Variants in KLHL6 observed in about 807,000 individuals in gnomAD.
KLHL6 encodes kelch-like protein 6.
A neutral mutation model predicts 58.6 loss-of-function variants in KLHL6; 41 were observed. That is an observed-to-expected ratio of 0.70 (90% confidence interval 0.55 to 0.91). KLHL6 has a LOEUF of 0.91. Ranked by LOEUF, KLHL6 falls within the 40% of genes least tolerant of loss-of-function variation. The pLI is 0.00. For missense variants in KLHL6, 714 were observed against 805.6 expected, an observed-to-expected ratio of 0.89 and a Z score of 1.38; for synonymous variants, 338 against 322.7, an observed-to-expected ratio of 1.05 and a Z score of -0.51.
At chr3:183,547,023 G>A (rs745482894) in intron 1 of KLHL6, among the ~76,000 whole-genome samples, 5 of 150,584 alleles carry the variant, frequency 3.3e-5, no homozygotes, top group African/African-American at 4.9e-5. Flanking sequence ...TCGATTCTCC[G>A]GCCTCAGCCT....
chr3:183,546,786 C>T (rs1055200260), intron 1 of KLHL6, among the ~76,000 whole-genome samples: 2 of 152,126 alleles, frequency 1.3e-5, no homozygotes, highest in Non-Finnish European at 2.9e-5. Context: ...GATCGGTAGA[C>T]GTAAATTGTT....
intron 2 of KLHL6, among the ~76,000 whole-genome samples, chr3:183,514,133 G>A (rs751437010): frequency 2.0e-5 from 3 of 152,218 alleles, no homozygotes; most frequent in Non-Finnish European, 4.4e-5. Flanking sequence ...GGTGAGCAGA[G>A]ACAAAGCGCC....
At chr3:183,514,868 C>T (rs754859038) in intron 2 of KLHL6, among the ~76,000 whole-genome samples, 3 of 152,046 alleles carry the variant, frequency 2.0e-5, no homozygotes, top group Non-Finnish European at 4.4e-5. Flanking sequence ...TGGGGTTTCA[C>T]CATGTTGGCC....
intron 2 of KLHL6, chr3:183,522,643 C>A (rs1161750503): frequency 6.6e-6 from 1 of 152,190 alleles, no homozygotes; most frequent in Non-Finnish European, 1.5e-5. Flanking sequence ...GTGCCTGGCA[C>A]TTCATCAGGC....
chr3:183,526,992 G>T (rs1006484120), intron 2 of KLHL6, among the ~76,000 whole-genome samples: 6 of 151,946 alleles, frequency 3.9e-5, no homozygotes, highest in Non-Finnish European at 7.4e-5. Context: ...CCAGCTACTT[G>T]GGAGGCTAGG....
intron 4 of KLHL6, among the ~76,000 whole-genome samples, chr3:183,497,049 C>T (rs534559363): frequency 5.3e-5 from 8 of 151,754 alleles, no homozygotes; most frequent in Admixed American, 4.0e-4. Context: ...GAGACCGAAG[C>T]GGGCGGATCA....
At position 183,491,865 on chromosome 3, in the gene KLHL6, G is replaced by A. The variant is rs907968266; in HGVS notation, c.*62C>T. On this transcript the variant is annotated 3_prime_UTR_variant, in exon 7 of 7. Transcript: ENST00000341319. ...TGCTGCCTGAAGTGGGACTGGAGGAGGGTGAGAGGTGAGGCGGGTACGCTG... is the reference window on the plus strand; with the variant it reads ...TGCTGCCTGAAGTGGGACTGGAGGAAGGTGAGAGGTGAGGCGGGTACGCTG... The A allele has an allele frequency of 7.3e-7, 1 of 1,377,814 alleles. No homozygotes were observed. The highest frequency in any genetic ancestry group is 1.5e-5 in the African/African-American group (1 of 68,234). 85.3% of individuals were successfully genotyped at this position (1,377,814 alleles called of 1,614,324 possible). A position where few individuals can be genotyped will look rare whatever the true frequency, so the allele number is the denominator to read the frequency against.
Position 183,491,991 on chromosome 3 carries a change from C to T in KLHL6, c.1802G>A (p.Ser601Asn). 1 of 1,587,464 alleles carries T rather than the reference C, an allele frequency of 6.3e-7. No homozygotes were observed. The highest frequency in any genetic ancestry group is 8.6e-7 in the Non-Finnish European group (1 of 1,163,956). Residue 601 changes from serine (S) to asparagine (N), a missense_variant, in exon 7 of 7, where the codon AGC becomes AAC. Physicochemically the swap from Ser to Asn is conservative, Grantham distance 46. Around this residue, in one of 2 missense-constraint regions of KLHL6, gnomAD observed 510 missense variants for 629.7 expected, o/e 0.81. Transcript: ENST00000341319. ...GGTGTACGACTTCCTGATGGTGACG[C>T]TGCCGTGGTGCGACACGCCCCGGGG... is the stretch of plus-strand genomic sequence containing the variant. ...VLPRGVSHHG[S>N]VTIRKSYTHI...
Position 183,490,002 on chromosome 3 carries a change from C to T in KLHL6, c.*1925G>A, listed in dbSNP as rs1177576938. On this transcript the variant is annotated 3_prime_UTR_variant, in exon 7 of 7. Coordinates refer to ENST00000341319, the MANE Select transcript of KLHL6 (RefSeq NM_130446.4). ...GAAATCATATGATGAAAATAAAGTC[C>T]ATTGGGTAACGCAGTTACTATGTTG... 6.6e-6 allele frequency: 1 copy of T among 152,024 alleles called. No individual in the cohort carries two copies. Among genetic ancestry groups the T allele is most frequent in the Non-Finnish European group, 1.5e-5 (1 of 68,014 alleles). The allele number at this position is 152,024 out of a possible 1,614,324, so 9.4% of individuals were successfully genotyped here. A position where few individuals can be genotyped will look rare whatever the true frequency, so the allele number is the denominator to read the frequency against.
intron 3 of KLHL6, among the ~76,000 whole-genome samples, chr3:183,507,598 A>AT (rs1018085350): frequency 4.6e-5 from 7 of 151,696 alleles, no homozygotes; most frequent in African/African-American, 9.7e-5. Context: ...TGCCCACCTA[A>AT]TTTTTTTGTA....
Position 183,509,945 on chromosome 3 carries a change from C to T in KLHL6, c.460-1437G>A, listed in dbSNP as rs573519787. Among the ~76,000 whole-genome samples, 15 of 152,188 alleles carry T rather than the reference C, an allele frequency of 9.9e-5. No homozygotes were observed. The South Asian group carries it at 1.2e-3, about 13-fold the overall frequency. ...ATTTATATATCCTTTAAAATGAATA[C>T]GTACCGCTTTTGTCATTAAAAAATC... On this transcript the variant is annotated intron_variant, in intron 2 of 6. Coordinates refer to ENST00000341319, the MANE Select transcript of KLHL6 (RefSeq NM_130446.4).
At chr3:183,517,053 C>T (rs1711592832) in intron 2 of KLHL6, among the ~76,000 whole-genome samples, 1 of 152,058 alleles carries the variant, frequency 6.6e-6, no homozygotes, top group Non-Finnish European at 1.5e-5. Context: ...GGATTACAGG[C>T]TCGCACCACC....
intron 1 of KLHL6, among the ~76,000 whole-genome samples, chr3:183,544,376 C>T (rs1237800892): frequency 1.3e-5 from 2 of 151,906 alleles, no homozygotes; most frequent in Non-Finnish European, 2.9e-5. Context: ...TTTAAGAAGG[C>T]TTTTACAAAA....
At chr3:183,520,286 G>T (rs750757855) in intron 2 of KLHL6, 1 of 152,112 alleles carries the variant, frequency 6.6e-6, no homozygotes, top group Non-Finnish European at 1.5e-5. Flanking sequence ...ATCAAACACC[G>T]AGAAATATAA....
At chr3:183,533,673 C>T (rs192917438) in intron 1 of KLHL6, among the ~76,000 whole-genome samples, 56 of 152,148 alleles carry the variant, frequency 3.7e-4, no homozygotes, top group African/African-American at 1.3e-3. Flanking sequence ...AGAGAGAGAA[C>T]GAGAGAGAGA....
At chr3:183,494,836 C>T (rs532312969) in intron 4 of KLHL6, among the ~76,000 whole-genome samples, 6 of 152,288 alleles carry the variant, frequency 3.9e-5, no homozygotes, top group Admixed American at 1.3e-4. Flanking sequence ...TGGGATTTAT[C>T]CTATTTCTAA....
At chr3:183,531,043 A>G (rs1307608217) in intron 1 of KLHL6, among the ~76,000 whole-genome samples, 2 of 152,022 alleles carry the variant, frequency 1.3e-5, no homozygotes, top group Non-Finnish European at 2.9e-5. Context: ...CATGTTGGCC[A>G]GGCTGGTCTC....
intron 3 of KLHL6, among the ~76,000 whole-genome samples, chr3:183,504,529 C>A (rs1370549245): frequency 1.3e-5 from 2 of 152,166 alleles, no homozygotes; most frequent in East Asian, 3.8e-4. Flanking sequence ...AAAAATATTT[C>A]ATTGCAGCAA....
chr3:183,525,265 A>ACACACACACACACACACACACACACAC (rs1553811014), intron 2 of KLHL6, among the ~76,000 whole-genome samples: 756 of 52,102 alleles, frequency 0.015, 8 homozygotes, highest in Non-Finnish European at 0.026. Flanking sequence ...CTCTCTAAAA[A>ACACACACACACACACACACACACACAC]AAAAACACAC....
Sources: gnomAD v4.1 joint callset for allele counts (sites outside exome capture counted in the v4.1 genomes callset) on GRCh38, gnomAD v4.1.1 for gene constraint, gnomAD v4.1.1 regional missense constraint, MANE v1.5 for transcripts, NCBI Gene and HGNC (gene_info 2026-07-23, HGNC 2026-07-21) for gene names.